The following MINDY4 variants were observed in gnomAD, a reference collection of about 807,000 sequenced individuals.
MINDY4 encodes the protein probable ubiquitin carboxyl-terminal hydrolase MINDY-4.
Under a neutral mutation model 87.0 loss-of-function variants are expected in MINDY4, and 68 were observed. That is an observed-to-expected ratio of 0.78 (90% CI 0.64 to 0.96). MINDY4 has a LOEUF of 0.96. MINDY4 is among the 40% of genes least tolerant of loss of function. The pLI, the probability that MINDY4 is intolerant of heterozygous loss-of-function variation, is 0.00. For missense variants in MINDY4, 919 were observed against 928.2 expected, an observed-to-expected ratio of 0.99 and a Z score of 0.13; for synonymous variants, 379 against 363.2, an observed-to-expected ratio of 1.04 and a Z score of -0.50.
At chr7:30,798,400 A>G (rs1584250591) in intron 5 of MINDY4, among the ~76,000 whole-genome samples, 1 of 152,318 alleles carries the variant, frequency 6.6e-6, no homozygotes, top group East Asian at 1.9e-4. Context: ...AACAACTGTA[A>G]GAGGGGGGTT....
chr7:30,867,277 G>A (rs1298465112), intron 13 of MINDY4, among the ~76,000 whole-genome samples: 4 of 152,186 alleles, frequency 2.6e-5, no homozygotes, highest in Non-Finnish European at 4.4e-5. Context: ...TCAACTGCTC[G>A]GAGGTCTCGG....
At chr7:30,799,357 C>T (rs1787583605) in intron 5 of MINDY4, among the ~76,000 whole-genome samples, 1 of 152,146 alleles carries the variant, frequency 6.6e-6, no homozygotes, top group Non-Finnish European at 1.5e-5. Context: ...ACTATAGGCT[C>T]CTCTGAGCAC....
intron 13 of MINDY4, among the ~76,000 whole-genome samples, chr7:30,859,540 G>A (rs1338046493): frequency 6.6e-6 from 1 of 152,222 alleles, no homozygotes; most frequent in Non-Finnish European, 1.5e-5. Context: ...TACCATGTGT[G>A]TGGTGGACAA....
chr7:30,836,641 C>A lies in MINDY4; in HGVS notation c.1133-17C>A. ...GAGTCATAACGAAGGGCTCACATGG[C>A]CATGGTTTTCTTTCAGAGGATGTGG... is the stretch of plus-strand genomic sequence containing the variant. On this transcript the variant is annotated splice_polypyrimidine_tract_variant and intron_variant, in intron 6 of 17. Transcript: ENST00000265299. The A allele has an allele frequency of 1.2e-6, 2 of 1,603,788 alleles. No individual in the cohort carries two copies. Among genetic ancestry groups the A allele is most frequent in the South Asian group, 1.1e-5 (1 of 90,692 alleles).
chr7:30,814,146 T>G (rs1476006248), intron 5 of MINDY4, among the ~76,000 whole-genome samples: 1 of 152,196 alleles, frequency 6.6e-6, no homozygotes, highest in Non-Finnish European at 1.5e-5. Flanking sequence ...AGTGACCTCT[T>G]TAAGAGAAAG....
chr7:30,813,765 G>A (rs1788074940), intron 5 of MINDY4, among the ~76,000 whole-genome samples: 1 of 152,224 alleles, frequency 6.6e-6, no homozygotes, highest in African/African-American at 2.4e-5. Flanking sequence ...TGTATGAGTG[G>A]TGTAATGCTC....
At chr7:30,884,390 G>A (rs917424961) in intron 17 of MINDY4, among the ~76,000 whole-genome samples, 11 of 152,216 alleles carry the variant, frequency 7.2e-5, no homozygotes, top group Non-Finnish European at 1.3e-4. Context: ...TCGTCGGGAG[G>A]ATTAAGGGCA....
At chr7:30,814,617 G>T (rs1699439199) in intron 5 of MINDY4, among the ~76,000 whole-genome samples, 1 of 152,214 alleles carries the variant, frequency 6.6e-6, no homozygotes, top group Non-Finnish European at 1.5e-5. Flanking sequence ...AAAGTAGAAG[G>T]TGTTGCTTAG....
chr7:30,818,096 C>G (rs903747358), intron 5 of MINDY4, among the ~76,000 whole-genome samples: 23 of 152,196 alleles, frequency 1.5e-4, no homozygotes, highest in Admixed American at 4.6e-4. Context: ...CAAATAAAAC[C>G]CTTTCCTTCC....
intron 4 of MINDY4, among the ~76,000 whole-genome samples, chr7:30,787,774 C>G (rs547063459): frequency 6.6e-6 from 1 of 152,330 alleles, no homozygotes; most frequent in East Asian, 1.9e-4. Flanking sequence ...GGAAGGAGCC[C>G]TGCCTGGGTG....
Position 30,882,917 on chromosome 7 carries a change from C to T in MINDY4, c.2153-4C>T. On this transcript the variant is annotated splice_polypyrimidine_tract_variant and splice_region_variant and intron_variant, in intron 16 of 17. Transcript: ENST00000265299. ...CATGTGTGTGCCTCTCTCCTCCTTC[C>T]CAGACACCACCCAAACCATCTCTGA... is the stretch of plus-strand genomic sequence containing the variant. The T allele has an allele frequency of 6.2e-7, 1 of 1,613,768 alleles. No homozygotes were observed. Among genetic ancestry groups the T allele is most frequent in the Non-Finnish European group, 8.5e-7 (1 of 1,179,830 alleles).
chr7:30,843,929 C>T (rs542523954), intron 9 of MINDY4, among the ~76,000 whole-genome samples: 1 of 152,238 alleles, frequency 6.6e-6, no homozygotes, highest in South Asian at 2.1e-4. Flanking sequence ...TATGGGGGGG[C>T]CTGCCTGGCT....
At chr7:30,779,282 C>T (rs892234927) in intron 2 of MINDY4, among the ~76,000 whole-genome samples, 4 of 152,126 alleles carry the variant, frequency 2.6e-5, no homozygotes, top group African/African-American at 9.7e-5. Context: ...CTATTTTATC[C>T]CCAAACATAA....
At chr7:30,879,823 A>G (rs112252574) in intron 15 of MINDY4, among the ~76,000 whole-genome samples, 2,047 of 152,222 alleles carry the variant, frequency 0.013, 49 homozygotes, top group African/African-American at 0.047. Context: ...ATCGCATTTC[A>G]TCGCCTTTAA....
chr7:30,802,820 C>G (rs1337449623), intron 5 of MINDY4, among the ~76,000 whole-genome samples: 1 of 152,070 alleles, frequency 6.6e-6, no homozygotes, highest in African/African-American at 2.4e-5. Flanking sequence ...ATCTGACCAC[C>G]CAACCAACCA....
chr7:30,843,367 G>C (rs1200810136), intron 9 of MINDY4, among the ~76,000 whole-genome samples: 1 of 152,210 alleles, frequency 6.6e-6, no homozygotes, highest in Non-Finnish European at 1.5e-5. Context: ...CAGGCTGCCA[G>C]AGGGGCCTTG....
chr7:30,863,237 G>A (rs571515028), intron 13 of MINDY4, among the ~76,000 whole-genome samples: 1 of 152,354 alleles, frequency 6.6e-6, no homozygotes, highest in South Asian at 2.1e-4. Context: ...AGCAAAAAGA[G>A]ACAGCTGAGT....
intron 6 of MINDY4, among the ~76,000 whole-genome samples, chr7:30,834,914 C>T (rs922037190): frequency 1.4e-4 from 22 of 152,164 alleles, no homozygotes; most frequent in Non-Finnish European, 2.9e-5. Flanking sequence ...CATCTGAGAC[C>T]TTATTGTTCA....
intron 5 of MINDY4, among the ~76,000 whole-genome samples, chr7:30,795,804 C>A (rs1787470101): frequency 6.6e-6 from 1 of 152,246 alleles, no homozygotes; most frequent in East Asian, 1.9e-4. Flanking sequence ...TCCTTGGCTC[C>A]CTTCCTTCAC....
Sources: gnomAD v4.1 joint callset for allele counts (sites outside exome capture counted in the v4.1 genomes callset) on GRCh38, gnomAD v4.1.1 for gene constraint, MANE v1.5 for transcripts, NCBI Gene and HGNC (gene_info 2026-07-23, HGNC 2026-07-21) for gene names.